ABI3BP: variants seen among roughly 807,000 people sequenced by gnomAD.
ABI3BP encodes the protein target of Nesh-SH3.
Under a neutral mutation model 268.6 loss-of-function variants are expected in ABI3BP, and 216 were observed. The observed-to-expected ratio is 0.80, with a 90% CI of 0.72 to 0.90. The LOEUF (loss-of-function observed/expected upper bound fraction) is 0.90. Ranked by LOEUF, ABI3BP falls within the 40% of genes least tolerant of loss-of-function variation. The probability of loss-of-function intolerance (pLI) is 0.00; values close to 1 mark genes in which losing one functional copy is unlikely to be tolerated. For synonymous variants in ABI3BP, 730 were observed against 730.0 expected (o/e 1.00, Z 0.00); for missense variants, 2,090 against 2,182.4 (o/e 0.96, Z 0.84).
intron 1 of ABI3BP, among the ~76,000 whole-genome samples, chr3:100,950,014 T>A (rs1294564756): frequency 6.6e-6 from 1 of 152,214 alleles, no homozygotes; most frequent in Admixed American, 6.5e-5. Context: ...GAAGATTAAG[T>A]AAAACAGATT....
chr3:100,754,705 A>G lies in ABI3BP; in HGVS notation c.4851-14T>C. 6.4e-7 allele frequency: 1 copy of G among 1,561,270 alleles called. No individual in the cohort carries two copies. Among genetic ancestry groups the G allele is most frequent in the Non-Finnish European group, 8.7e-7 (1 of 1,149,916 alleles). ...TGGAATTCATAACTGTTTAGGGGAA[A>G]ATAAAAAAATACTTGTAATACATTC... On this transcript the variant is annotated splice_polypyrimidine_tract_variant and intron_variant, in intron 63 of 67. Coordinates refer to ENST00000471714, the MANE Select transcript of ABI3BP (RefSeq NM_001375547.2).
rs771585922 is a variant in ABI3BP at position 100,752,863 on chromosome 3, T to C, written c.5046A>G (p.Thr1682=). 35 of 1,613,312 alleles carry C rather than the reference T, an allele frequency of 2.2e-5. No individual in the cohort carries two copies. The East Asian group carries it at 7.4e-4, about 34-fold the overall frequency. ...ECKGKQYVKR[T]WYKKFVGVQL... ...GCACTCCTACAAATTTTTTATACCATGTCCTTTTGACATATTGTTTGCCCT... is the reference window on the plus strand; with the variant it reads ...GCACTCCTACAAATTTTTTATACCACGTCCTTTTGACATATTGTTTGCCCT... The change falls in exon 66 of 68, where the codon ACA becomes ACG. Residue 1682 remains threonine, a synonymous_variant. Coordinates refer to ENST00000471714, the MANE Select transcript of ABI3BP (RefSeq NM_001375547.2).
intron 63 of ABI3BP, among the ~76,000 whole-genome samples, chr3:100,757,975 G>A (rs746704115): frequency 6.6e-6 from 1 of 152,100 alleles, no homozygotes; most frequent in Non-Finnish European, 1.5e-5. Context: ...ATATCTAAAT[G>A]GAATGCAGTC....
intron 14 of ABI3BP, among the ~76,000 whole-genome samples, chr3:100,852,345 A>G (rs2098855563): frequency 6.6e-6 from 1 of 152,214 alleles, no homozygotes; most frequent in African/African-American, 2.4e-5. Context: ...CCCAAAGTCT[A>G]TTGCTCAGTC....
intron 1 of ABI3BP, among the ~76,000 whole-genome samples, chr3:100,967,250 G>A (rs193174748): frequency 1.1e-4 from 16 of 151,978 alleles, no homozygotes; most frequent in East Asian, 3.9e-4. Flanking sequence ...ACCTGTAATC[G>A]TAATAGTTTG....
chr3:100,774,770 T>A (rs1204984438), intron 60 of ABI3BP, 97 bp from the exon 61 acceptor site: 1 of 941,086 alleles, frequency 1.1e-6, no homozygotes, highest in Non-Finnish European at 1.6e-6. Context: ...ATATTTCTTC[T>A]TGTAAACTGC....
chr3:100,969,699 G>T (rs539663967), intron 1 of ABI3BP, among the ~76,000 whole-genome samples: 2 of 152,224 alleles, frequency 1.3e-5, no homozygotes, highest in South Asian at 4.1e-4. Flanking sequence ...ATGTTTTTTT[G>T]AAAAGGAAGA....
intron 1 of ABI3BP, among the ~76,000 whole-genome samples, chr3:100,960,803 A>G (rs551277558): frequency 2.2e-4 from 34 of 152,338 alleles, no homozygotes; most frequent in African/African-American, 7.9e-4. Context: ...GAGGGTCCTC[A>G]TTTAATGACC....
intron 1 of ABI3BP, among the ~76,000 whole-genome samples, chr3:100,966,185 A>G (rs917166805): frequency 1.3e-5 from 2 of 152,230 alleles, no homozygotes; most frequent in Non-Finnish European, 2.9e-5. Flanking sequence ...TATGTTGAAA[A>G]TAGAAAACCA....
intron 63 of ABI3BP, among the ~76,000 whole-genome samples, chr3:100,758,551 G>T (rs1401114731): frequency 6.6e-6 from 1 of 152,102 alleles, no homozygotes; most frequent in African/African-American, 2.4e-5. Flanking sequence ...TATAAGAAGG[G>T]TATAGCCCAC....
At chr3:100,969,410 C>T (rs1277568084) in intron 1 of ABI3BP, among the ~76,000 whole-genome samples, 1 of 152,214 alleles carries the variant, frequency 6.6e-6, no homozygotes, top group East Asian at 1.9e-4. Flanking sequence ...CAGGCATCCC[C>T]TGCTGCCTCA....
chr3:100,853,720 T>C (rs990083724), intron 14 of ABI3BP, among the ~76,000 whole-genome samples: 4 of 152,226 alleles, frequency 2.6e-5, no homozygotes, highest in African/African-American at 9.6e-5. Context: ...AAGCCAGGCA[T>C]CCATCTCCCC....
At chr3:100,946,034 T>A (rs2153733280) in intron 1 of ABI3BP, among the ~76,000 whole-genome samples, 1 of 152,208 alleles carries the variant, frequency 6.6e-6, no homozygotes, top group East Asian at 1.9e-4. Context: ...GATAATAAAA[T>A]TAATTATTTT....
chr3:100,926,258 C>A (rs756049803), intron 2 of ABI3BP, 44 bp downstream of exon 2: 5 of 1,596,756 alleles, frequency 3.1e-6, no homozygotes, highest in Non-Finnish European at 3.4e-6. Context: ...ACCCCCCCAC[C>A]TCTTACCTCC....
At chr3:100,758,109 C>CAA (rs202096775) in intron 63 of ABI3BP, among the ~76,000 whole-genome samples, 5 of 146,310 alleles carry the variant, frequency 3.4e-5, no homozygotes, top group African/African-American at 7.5e-5. Context: ...AACAAACAAA[C>CAA]AAAAAAAAAA....
In ABI3BP at chr3:100,958,823, C is replaced by T. The variant is rs182222432; in HGVS notation, c.80-32342G>A. Among the ~76,000 whole-genome samples the T allele has an allele frequency of 4.0e-3, 614 of 152,304 alleles. 15 individuals carry two copies. The highest frequency in any genetic ancestry group is 0.035 in the Admixed American group (542 of 15,300). ...GGAAATGTAGACTATCATTCGAATACAGAATCCCTGAGAACCAAGGACACA... is the reference window on the plus strand; with the variant it reads ...GGAAATGTAGACTATCATTCGAATATAGAATCCCTGAGAACCAAGGACACA... On this transcript the variant is annotated intron_variant, in intron 1 of 67. Transcript: ENST00000471714.
intron 1 of ABI3BP, among the ~76,000 whole-genome samples, chr3:100,958,029 T>C (rs1403847238): frequency 1.3e-5 from 2 of 149,462 alleles, no homozygotes; most frequent in African/African-American, 4.9e-5. Context: ...AGTTTTGGAA[T>C]CCATAAGGAA....
At position 100,839,591 on chromosome 3, in the gene ABI3BP, C is replaced by G; in HGVS notation, c.1923G>C (p.Pro641=). ...TACCAGTTGTGGGCACCAAGGGCTC[C>G]GGTTGTATCGTGGCAGGTTCCAGAG... ...KPALEPATIQ[P]EPLVPTTASK... Residue 641 remains proline (P), a synonymous_variant, in exon 24 of 68, where the codon CCG becomes CCC. Coordinates refer to ENST00000471714, the MANE Select transcript of ABI3BP (RefSeq NM_001375547.2). 6.5e-7 allele frequency: 1 copy of G among 1,535,794 alleles called. No homozygotes were observed. Among genetic ancestry groups the G allele is most frequent in the Non-Finnish European group, 8.7e-7 (1 of 1,146,676 alleles).
rs1169443028 is a variant in ABI3BP, at chr3:100,898,840, C to G, written c.383G>C (p.Ser128Thr). 1 of 1,613,392 alleles carries G rather than the reference C, an allele frequency of 6.2e-7. No homozygotes were observed. The highest frequency in any genetic ancestry group is 1.3e-5 in the African/African-American group (1 of 74,896). The change falls in exon 4 of 68, where the codon AGC becomes ACC. Residue 128 changes from serine (S) to threonine (T), a missense_variant. Physicochemically the swap from Ser to Thr is moderately conservative, Grantham distance 58. Transcript: ENST00000471714. ...GAAACCCCAGGACAGGAAGACCGAG[C>G]TCGGTGTCAGAGTGCCAACCACCAG... The part of the protein sequence containing the change: ...LQLVVGTLTP[S>T]SVFLSWGFLI...
Sources: allele counts gnomAD v4.1 joint callset (sites outside exome capture counted in the v4.1 genomes callset), GRCh38; gene constraint gnomAD v4.1.1; transcripts MANE v1.5; gene names NCBI Gene and HGNC (gene_info 2026-07-23, HGNC 2026-07-21).